The following ABCG4 variants were observed in gnomAD, a reference collection of about 807,000 sequenced individuals.
ABCG4 encodes ATP binding cassette subfamily G member 4, also known as ATP-binding cassette sub-family G member 4.
A neutral mutation model predicts 64.6 loss-of-function variants in ABCG4; 35 were observed. That is an observed-to-expected ratio of 0.54 (90% CI 0.41 to 0.72). The LOEUF is 0.72. Among genes scored for constraint, ABCG4 ranks in the 30% least tolerant of loss-of-function variants. The pLI, the probability that ABCG4 is intolerant of heterozygous loss-of-function variation, is 0.00. For missense variants in ABCG4, 610 were observed against 846.3 expected, an observed-to-expected ratio of 0.72 and a Z score of 3.46; for synonymous variants, 326 against 348.2, an observed-to-expected ratio of 0.94 and a Z score of 0.71.
rs368538395 is a variant in ABCG4 at position 119,158,662 on chromosome 11, G to A, written c.1273G>A (p.Gly425Ser). 52 of 1,613,974 alleles carry A rather than the reference G, an allele frequency of 3.2e-5. No homozygotes were observed. The highest frequency in any genetic ancestry group is 3.6e-5 in the Non-Finnish European group (43 of 1,180,034). ...DDASKVFNNT[G>S]CLFFSMLFLM... Reference sequence around the variant, plus strand: ...TGCCAGCAAGGTCTTCAACAACACCGGCTGCCTCTTCTTCTCCATGCTGTT... The same window carrying A: ...TGCCAGCAAGGTCTTCAACAACACCAGCTGCCTCTTCTTCTCCATGCTGTT... Residue 425 changes from glycine (G) to serine (S), a missense_variant, in exon 11 of 15, where the codon GGC becomes AGC. By Grantham distance (56) the Gly-to-Ser change is moderately conservative (BLOSUM62 0). Transcript: ENST00000619701. This position sits in a 1 kb window ranked among gnomAD's most constrained non-coding sequence, Gnocchi z 4.5.
chr11:119,159,252 C>T (rs1399345350), intron 12 of ABCG4, among the ~76,000 whole-genome samples: 8 of 152,196 alleles, frequency 5.3e-5, no homozygotes, highest in African/African-American at 1.2e-4. Flanking sequence ...TTTGGGAAGC[C>T]GAGGCTGGAG....
Position 119,155,414 on chromosome 11 carries a change from C to T in ABCG4, c.686+499C>T, listed in dbSNP as rs540677942. On this transcript the variant is annotated intron_variant, in intron 6 of 14. Transcript: ENST00000619701. This position sits in a 1 kb window ranked among gnomAD's most constrained non-coding sequence, Gnocchi z 4.5. ...TCGGCTCACTGCAACCTCTGACTCC[C>T]GGGTTCAAGCGATTCTCCTGCCTCA... Among the ~76,000 whole-genome samples the T allele has an allele frequency of 6.8e-4, 104 of 152,290 alleles. 1 individual carries two copies. Among genetic ancestry groups the T allele is most frequent in the Non-Finnish European group, 1.1e-3 (77 of 68,020 alleles).
In ABCG4 at chr11:119,149,630, G is replaced by T; in HGVS notation, c.-13+267G>T. The stretch of plus-strand genomic sequence containing the variant: ...CTCCTAGAGCGGGCAGCCTCTGCCG[G>T]CTGCCTCTTCTCCCCCGCCCCCTAT... On this transcript the variant is annotated intron_variant, in intron 1 of 14. Coordinates refer to ENST00000619701, the MANE Select transcript of ABCG4 (RefSeq NM_022169.5). The surrounding 1 kb of genome is among the most constrained non-coding windows in gnomAD (Gnocchi z 8.3). The T allele has an allele frequency of 3.0e-6, 1 of 330,448 alleles. No individual in the cohort carries two copies. The highest frequency in any genetic ancestry group is 2.1e-5 in the African/African-American group (1 of 48,206). 20.5% of individuals were successfully genotyped at this position (330,448 alleles called of 1,614,324 possible). A position where few individuals can be genotyped will look rare whatever the true frequency, so the allele number is the denominator to read the frequency against.
chr11:119,150,315 G>T lies in ABCG4; in HGVS notation c.238+112G>T. ...AAAGTCCTGCACCAGTGGGCTCTGT[G>T]GAAACACTAAAATCTGGGCCCCAGC... is the stretch of plus-strand genomic sequence containing the variant. On this transcript the variant is annotated intron_variant, in intron 2 of 14. Transcript: ENST00000619701. This position sits in a 1 kb window ranked among gnomAD's most constrained non-coding sequence, Gnocchi z 4.3. The T allele has an allele frequency of 7.0e-7, 1 of 1,433,826 alleles. No individual in the cohort carries two copies. Among genetic ancestry groups the T allele is most frequent in the South Asian group, 1.3e-5 (1 of 75,260 alleles). 88.8% of individuals were successfully genotyped at this position (1,433,826 alleles called of 1,614,324 possible).
chr11:119,160,707 C>T lies in ABCG4; in HGVS notation c.1715+51C>T. 2 of 1,547,424 alleles carry T rather than the reference C, an allele frequency of 1.3e-6. No homozygotes were observed. The highest frequency in any genetic ancestry group is 1.8e-6 in the Non-Finnish European group (2 of 1,120,304). On this transcript the variant is annotated intron_variant, in intron 14 of 14. Coordinates refer to ENST00000619701, the MANE Select transcript of ABCG4 (RefSeq NM_022169.5). This position sits in a 1 kb window ranked among gnomAD's most constrained non-coding sequence, Gnocchi z 4.6. ...GCCTCTGCTCCTCCCTGGAGGAGTC[C>T]ATACCCAGGGCTTCCTGGGTTGTGC...
chr11:119,160,202 TG>T lies in ABCG4; in HGVS notation c.1438-24del. 6.3e-7 allele frequency: 1 copy of T among 1,587,426 alleles called. No homozygotes were observed. The highest frequency in any genetic ancestry group is 8.6e-7 in the Non-Finnish European group (1 of 1,159,754). On this transcript the variant is annotated intron_variant, in intron 12 of 14. Transcript: ENST00000619701. This position sits in a 1 kb window ranked among gnomAD's most constrained non-coding sequence, Gnocchi z 4.6. ...GCTGTGCCCCTGGCTTGAAGTCCAC[TG>T]TCCAGCCCGTGCCCACTCCCCAGGT...
Position 119,151,281 on chromosome 11 carries a change from C to T in ABCG4, c.238+1078C>T, listed in dbSNP as rs568161429. ...TTTTTTTAAAATGTGTCTAGACGGGCCAGCTCTCCAGTTGCTTCCATGTGC... is the reference window on the plus strand; with the variant it reads ...TTTTTTTAAAATGTGTCTAGACGGGTCAGCTCTCCAGTTGCTTCCATGTGC... On this transcript the variant is annotated intron_variant, in intron 2 of 14. Coordinates refer to ENST00000619701, the MANE Select transcript of ABCG4 (RefSeq NM_022169.5). 1.4e-4 allele frequency among the ~76,000 whole-genome samples: 22 copies of T among 152,312 alleles called. No individual in the cohort carries two copies. The South Asian group carries it at 4.6e-3, about 32-fold the overall frequency.
rs766009741 is a variant in ABCG4, at chr11:119,158,282, C to T, written c.1117C>T (p.Gln373Ter). 1.9e-6 allele frequency: 3 copies of T among 1,612,182 alleles called. No individual in the cohort carries two copies. Among genetic ancestry groups the T allele is most frequent in the South Asian group, 1.1e-5 (1 of 91,006 alleles). ...CACCTTTGCCACCAGCACCCTCACACAGTTCTGCATCCTCTTCAAGAGGAC... is the reference window on the plus strand; with the variant it reads ...CACCTTTGCCACCAGCACCCTCACATAGTTCTGCATCCTCTTCAAGAGGAC... ...SHTFATSTLT[Q>*]FCILFKRTFL... Residue 373 changes from glutamine to a stop codon, truncating the protein, a stop_gained, in exon 10 of 15, where the codon CAG becomes TAG. Transcript: ENST00000619701. LOFTEE classifies it high-confidence loss of function. The surrounding 1 kb of genome is among the most constrained non-coding windows in gnomAD (Gnocchi z 4.5).
intron 12 of ABCG4, among the ~76,000 whole-genome samples, chr11:119,159,350 GGT>G (rs1471408789): frequency 6.7e-6 from 1 of 148,746 alleles, no homozygotes; most frequent in Non-Finnish European, 1.5e-5. Flanking sequence ...AACCAGGCTT[GGT>G]GTTGTGCACC....
intron 2 of ABCG4, among the ~76,000 whole-genome samples, chr11:119,152,679 C>T (rs1167789566): frequency 6.6e-6 from 1 of 152,248 alleles, no homozygotes; most frequent in East Asian, 1.9e-4. Flanking sequence ...GCTCTGCCCT[C>T]TGTTCCTTGG....
chr11:119,151,999 A>G (rs1262245031), intron 2 of ABCG4, among the ~76,000 whole-genome samples: 2 of 152,268 alleles, frequency 1.3e-5, no homozygotes, highest in Middle Eastern at 3.2e-3. Context: ...AGGCAAATGT[A>G]AGATGACTTT....
chr11:119,161,088 G>C lies in ABCG4; in HGVS notation c.1923G>C (p.Arg641=). The C allele has an allele frequency of 6.2e-7, 1 of 1,613,600 alleles. No homozygotes were observed. The highest frequency in any genetic ancestry group is 1.1e-5 in the South Asian group (1 of 91,062). The change falls in exon 15 of 15, where the codon CGG becomes CGC. Residue 641 remains arginine, a synonymous_variant. Transcript: ENST00000619701. ...TGGCCTACCTTGTGCTGCGTTACCG[G>C]GTCAAGTCAGAGAGATAGAGGCTTG... The part of the protein sequence containing the change: ...RLLAYLVLRY[R]VKSER
At position 119,158,447 on chromosome 11, in the gene ABCG4, T is replaced by A. The variant is rs746048701; in HGVS notation, c.1168-110T>A. On this transcript the variant is annotated intron_variant, in intron 10 of 14. Transcript: ENST00000619701. This position sits in a 1 kb window ranked among gnomAD's most constrained non-coding sequence, Gnocchi z 4.5. ...CTCCCTCACAGCCCTGCAATGTGCC[T>A]GTGGGGTCTCTGTGCCTGTGAGGGC... 2 of 1,556,298 alleles carry A rather than the reference T, an allele frequency of 1.3e-6. No individual in the cohort carries two copies. Among genetic ancestry groups the A allele is most frequent in the South Asian group, 2.2e-5 (2 of 89,886 alleles).
At position 119,156,837 on chromosome 11, in the gene ABCG4, G is replaced by T; in HGVS notation, c.926-35G>T. 6.3e-7 allele frequency: 1 copy of T among 1,595,268 alleles called. No homozygotes were observed. The highest frequency in any genetic ancestry group is 8.6e-7 in the Non-Finnish European group (1 of 1,168,784). On this transcript the variant is annotated intron_variant, in intron 8 of 14. Coordinates refer to ENST00000619701, the MANE Select transcript of ABCG4 (RefSeq NM_022169.5). The surrounding 1 kb of genome is among the most constrained non-coding windows in gnomAD (Gnocchi z 5.5). ...TGACTTGCCCTTGGGAAGTGAGTGT[G>T]AATCTAAACTGAGCTCTCCACTCTG...
rs1948155595 is a variant in ABCG4 at position 119,149,200 on chromosome 11, T to TCGCCTGCCC, written c.-171_-163dup. The stretch of plus-strand genomic sequence containing the variant: ...CGAGCCGAGGGCCGGCCCTCCTGCC[T>TCGCCTGCCC]CGCCTGCCCCGCCCCGGCCCCGCCC... On this transcript the variant is annotated 5_prime_UTR_variant, in exon 1 of 15. Transcript: ENST00000619701. The surrounding 1 kb of genome is among the most constrained non-coding windows in gnomAD (Gnocchi z 8.3). 6.6e-6 allele frequency: 1 copy of TCGCCTGCCC among 151,416 alleles called. No homozygotes were observed. The highest frequency in any genetic ancestry group is 1.5e-5 in the Non-Finnish European group (1 of 67,814). 9.4% of individuals were successfully genotyped at this position (151,416 alleles called of 1,614,324 possible). A position where few individuals can be genotyped will look rare whatever the true frequency, so the allele number is the denominator to read the frequency against.
At position 119,154,972 on chromosome 11, in the gene ABCG4, G is replaced by C; in HGVS notation, c.686+57G>C. 6.4e-7 allele frequency: 1 copy of C among 1,555,120 alleles called. No homozygotes were observed. Among genetic ancestry groups the C allele is most frequent in the Admixed American group, 1.8e-5 (1 of 54,940 alleles). The stretch of plus-strand genomic sequence containing the variant: ...CCCCTCTCCTCTCGGCCCTGAGCCA[G>C]GGCTGGAGGCTGCATCTTCTCCATG... On this transcript the variant is annotated intron_variant, in intron 6 of 14. Coordinates refer to ENST00000619701, the MANE Select transcript of ABCG4 (RefSeq NM_022169.5). This position sits in a 1 kb window ranked among gnomAD's most constrained non-coding sequence, Gnocchi z 7.0.
At position 119,160,332 on chromosome 11, in the gene ABCG4, T is replaced by C. The variant is rs773633026; in HGVS notation, c.1543T>C (p.Leu515=). Residue 515 remains leucine (L), a synonymous_variant, in exon 13 of 15, where the codon TTG becomes CTG. Transcript: ENST00000619701. This position sits in a 1 kb window ranked among gnomAD's most constrained non-coding sequence, Gnocchi z 4.6. The stretch of plus-strand genomic sequence containing the variant: ...CTCAGCCCTGGCCACCGCCACCGCC[T>C]TGGTGGCCCAATCTTTGGGGCTGCT... ...LFSALATATA[L]VAQSLGLLIG... 6.2e-7 allele frequency: 1 copy of C among 1,613,574 alleles called. No homozygotes were observed. Among genetic ancestry groups the C allele is most frequent in the South Asian group, 1.1e-5 (1 of 91,074 alleles).
In ABCG4 at chr11:119,156,467, G is replaced by A. The variant is rs368360612; in HGVS notation, c.810+15G>A. ...TGTTTGACAAGGTGAGTGTCTCCAG[G>A]CCTCAAGGAGGATTGGCCTGAGATG... On this transcript the variant is annotated intron_variant, in intron 7 of 14. Transcript: ENST00000619701. The surrounding 1 kb of genome is among the most constrained non-coding windows in gnomAD (Gnocchi z 5.5). 4.3e-6 allele frequency: 7 copies of A among 1,614,194 alleles called. No individual in the cohort carries two copies. The highest frequency in any genetic ancestry group is 5.9e-6 in the Non-Finnish European group (7 of 1,180,036).
At position 119,156,387 on chromosome 11, in the gene ABCG4, G is replaced by A; in HGVS notation, c.745G>A (p.Gly249Arg). Residue 249 changes from glycine to arginine, a missense_variant, in exon 7 of 15, where the codon GGG (glycine) becomes AGG (arginine). By Grantham distance (125) the Gly-to-Arg change is moderately radical. Coordinates refer to ENST00000619701, the MANE Select transcript of ABCG4 (RefSeq NM_022169.5). This position sits in a 1 kb window ranked among gnomAD's most constrained non-coding sequence, Gnocchi z 5.5. The part of the protein sequence containing the change: ...VVSLMKSLAQ[G>R]GRTIICTIHQ... The stretch of plus-strand genomic sequence containing the variant: ...GTCCCTCATGAAGTCCCTGGCACAG[G>A]GGGGCCGTACCATCATCTGCACCAT... 6.2e-7 allele frequency: 1 copy of A among 1,614,168 alleles called. No homozygotes were observed. The highest frequency in any genetic ancestry group is 8.5e-7 in the Non-Finnish European group (1 of 1,180,030).
Sources: gnomAD v4.1 joint callset for allele counts (sites outside exome capture counted in the v4.1 genomes callset) on GRCh38, gnomAD v4.1.1 for gene constraint, Gnocchi (gnomAD v3.1) non-coding constraint, MANE v1.5 for transcripts, NCBI Gene and HGNC (gene_info 2026-07-23, HGNC 2026-07-21) for gene names.